GRB14: variants seen among roughly 807,000 people sequenced by gnomAD.
The protein encoded by GRB14 is growth factor receptor bound protein 14, also known as growth factor receptor-bound protein 14.
In GRB14, 38 loss-of-function variants were observed where a neutral mutation model predicts 69.1. The observed-to-expected ratio is 0.55, with a 90% CI of 0.42 to 0.72. The LOEUF (loss-of-function observed/expected upper bound fraction) is 0.72. Ranked by LOEUF, GRB14 falls within the 30% of genes least tolerant of loss-of-function variation. GRB14 has a pLI of 0.00. For synonymous variants in GRB14, 247 were observed against 241.3 expected, an observed-to-expected ratio of 1.02 and a Z score of -0.22; for missense variants, 666 against 666.1, an observed-to-expected ratio of 1.00 and a Z score of 0.00.
chr2:164,564,096 G>C (rs1688903410), intron 2 of GRB14, among the ~76,000 whole-genome samples: 1 of 152,194 alleles, frequency 6.6e-6, no homozygotes, highest in South Asian at 2.1e-4. Context: ...AAGAGTCTTA[G>C]AAGGCTTTAG....
chr2:164,603,467 C>G (rs1193301622), intron 2 of GRB14, among the ~76,000 whole-genome samples: 1 of 151,922 alleles, frequency 6.6e-6, no homozygotes, highest in Admixed American at 6.6e-5. Flanking sequence ...AGTTCGAGAC[C>G]AGCCTGGCCA....
chr2:164,493,177 T>C lies in GRB14; in HGVS notation c.1482A>G (p.Glu494=). The change falls in exon 14 of 14, where the codon GAA becomes GAG. Residue 494 remains glutamate, a synonymous_variant. Coordinates refer to ENST00000263915, the MANE Select transcript of GRB14 (RefSeq NM_004490.3). ...KIKHFQIIPV[E]DDGEMFHTLD... ...GTGTGTGGAACATTTCACCGTCATC[T>C]TCTACCTGCAAAAAGAAAAGCAACA... 6.2e-7 allele frequency: 1 copy of C among 1,611,838 alleles called. No homozygotes were observed. The highest frequency in any genetic ancestry group is 1.1e-5 in the South Asian group (1 of 90,640).
At chr2:164,575,479 G>A (rs564287368) in intron 2 of GRB14, among the ~76,000 whole-genome samples, 5 of 152,056 alleles carry the variant, frequency 3.3e-5, no homozygotes, top group Admixed American at 6.5e-5. Flanking sequence ...TTTAAGAATC[G>A]TTATGAAATT....
intron 3 of GRB14, among the ~76,000 whole-genome samples, chr2:164,537,764 C>T (rs1688116072): frequency 1.3e-5 from 2 of 152,112 alleles, no homozygotes; most frequent in Non-Finnish European, 1.5e-5. Context: ...TTACATATTG[C>T]CCATTTCCGG....
At chr2:164,534,565 C>A (rs1488182167) in intron 3 of GRB14, among the ~76,000 whole-genome samples, 4 of 152,156 alleles carry the variant, frequency 2.6e-5, no homozygotes, top group Admixed American at 6.5e-5. Flanking sequence ...GACCAACTTT[C>A]TCTTGCCTTG....
At chr2:164,521,179 G>A (rs947145683) in intron 6 of GRB14, among the ~76,000 whole-genome samples, 1 of 151,840 alleles carries the variant, frequency 6.6e-6, no homozygotes, top group Non-Finnish European at 1.5e-5. Context: ...GACAGACCAC[G>A]GAACCATAAA....
chr2:164,526,374 T>C (rs1416048302), intron 4 of GRB14, among the ~76,000 whole-genome samples: 2 of 152,058 alleles, frequency 1.3e-5, no homozygotes, highest in Non-Finnish European at 2.9e-5. Flanking sequence ...CTAGTCTTCA[T>C]TAGAATGTGA....
intron 2 of GRB14, among the ~76,000 whole-genome samples, chr2:164,558,504 A>G (rs1256079984): frequency 6.6e-6 from 1 of 152,180 alleles, no homozygotes; most frequent in African/African-American, 2.4e-5. Flanking sequence ...ATCCCACACT[A>G]AAGTTTCCGA....
In GRB14 at chr2:164,506,297, G is replaced by A. The variant is rs550519211; in HGVS notation, c.1023+2158C>T. 2.6e-5 allele frequency among the ~76,000 whole-genome samples: 4 copies of A among 152,274 alleles called. No individual in the cohort carries two copies. The South Asian group carries it at 8.3e-4, about 32-fold the overall frequency. ...AAACAAGCAAACCTCTCATAAAGAA[G>A]TAAACATGGTGGCTATCTGCCAAAA... is the stretch of plus-strand genomic sequence containing the variant. On this transcript the variant is annotated intron_variant, in intron 8 of 13. Transcript: ENST00000263915.
At chr2:164,581,980 C>T (rs1689418032) in intron 2 of GRB14, among the ~76,000 whole-genome samples, 1 of 152,154 alleles carries the variant, frequency 6.6e-6, no homozygotes, top group African/African-American at 2.4e-5. Flanking sequence ...TCTTGACTGG[C>T]CTCTCTCTGT....
At chr2:164,503,169 TAA>T (rs3086552) in intron 8 of GRB14, among the ~76,000 whole-genome samples, 45 of 126,546 alleles carry the variant, frequency 3.6e-4, no homozygotes, top group East Asian at 2.8e-3. Flanking sequence ...GCTACTTTGT[TAA>T]AAAAAAAAAA....
intron 2 of GRB14, among the ~76,000 whole-genome samples, chr2:164,549,273 T>C (rs931459896): frequency 6.6e-6 from 1 of 152,218 alleles, no homozygotes; most frequent in Non-Finnish European, 1.5e-5. Flanking sequence ...TAATTACATG[T>C]GGTTTGCAAA....
At chr2:164,620,441 C>G (rs1303262793) in intron 1 of GRB14, among the ~76,000 whole-genome samples, 1 of 151,894 alleles carries the variant, frequency 6.6e-6, no homozygotes, top group Non-Finnish European at 1.5e-5. Flanking sequence ...GTTAATAGAA[C>G]TTGCTAGTAT....
chr2:164,537,374 A>C (rs1222723879), intron 3 of GRB14, among the ~76,000 whole-genome samples: 1 of 152,146 alleles, frequency 6.6e-6, no homozygotes, highest in South Asian at 2.1e-4. Flanking sequence ...GTTTCCTGTG[A>C]CTCTTAACAT....
chr2:164,508,670 T>C (rs1019727721), intron 7 of GRB14, 72 bp downstream of exon 7: 1 of 1,451,294 alleles, frequency 6.9e-7, no homozygotes, highest in African/African-American at 1.4e-5. Flanking sequence ...TCAAAAGCAA[T>C]TAAAGGAAAC....
At chr2:164,595,364 C>T (rs1689758143) in intron 2 of GRB14, among the ~76,000 whole-genome samples, 1 of 152,182 alleles carries the variant, frequency 6.6e-6, no homozygotes, top group Admixed American at 6.5e-5. Flanking sequence ...TATTGGGGCA[C>T]AGATGTTATA....
chr2:164,573,938 T>C (rs1004635047), intron 2 of GRB14: 11 of 1,612,594 alleles, frequency 6.8e-6, no homozygotes, highest in African/African-American at 1.3e-5. Flanking sequence ...AGTCTCACCC[T>C]ATCAGCAAGT....
chr2:164,572,711 T>A (rs1303670487), intron 2 of GRB14, among the ~76,000 whole-genome samples: 1 of 152,202 alleles, frequency 6.6e-6, no homozygotes, highest in East Asian at 1.9e-4. Context: ...CATTCTATAT[T>A]ATTTAGAATG....
intron 9 of GRB14, among the ~76,000 whole-genome samples, chr2:164,500,571 C>T (rs1309786552): frequency 6.6e-6 from 1 of 152,060 alleles, no homozygotes; most frequent in Non-Finnish European, 1.5e-5. Flanking sequence ...TTTATAGAGA[C>T]ACCAAAGTCA....
Sources: allele counts gnomAD v4.1 joint callset (sites outside exome capture counted in the v4.1 genomes callset), GRCh38; gene constraint gnomAD v4.1.1; transcripts MANE v1.5; gene names NCBI Gene and HGNC (gene_info 2026-07-23, HGNC 2026-07-21).